The following DISP1 variants were observed in gnomAD, a reference collection of about 807,000 sequenced individuals.
DISP1 encodes the protein protein dispatched homolog 1.
A neutral mutation model predicts 37.3 loss-of-function variants in DISP1; 30 were observed. That is an observed-to-expected ratio of 0.80 (90% CI 0.60 to 1.09). The LOEUF is 1.09. DISP1 is among the 50% of genes least tolerant of loss of function. The pLI is 0.00. For missense variants in DISP1, 1,598 were observed against 1,879.5 expected (o/e 0.85, Z 2.77); for synonymous variants, 634 against 690.2 (o/e 0.92, Z 1.28).
chr1:222,998,126 A>G (rs547482205), intron 8 of DISP1, among the ~76,000 whole-genome samples: 2 of 151,978 alleles, frequency 1.3e-5, no homozygotes, highest in East Asian at 3.9e-4. Flanking sequence ...CGACTTTCAG[A>G]ATATTACTGT....
At chr1:222,818,805 C>T (rs183403797) in intron 1 of DISP1, among the ~76,000 whole-genome samples, 292 of 152,328 alleles carry the variant, frequency 1.9e-3, no homozygotes, top group African/African-American at 6.4e-3. Flanking sequence ...ATGTTTATAG[C>T]AACACCTAAA....
chr1:222,967,037 A>T (rs1044378743), intron 3 of DISP1, among the ~76,000 whole-genome samples: 29 of 152,146 alleles, frequency 1.9e-4, no homozygotes, highest in Admixed American at 1.5e-3. Context: ...CTTACTAGAG[A>T]TTATTAATAA....
intron 3 of DISP1, among the ~76,000 whole-genome samples, chr1:222,976,542 T>A (rs2378617): frequency 0.6 from 90,555 of 151,604 alleles, 28,406 homozygotes; most frequent in East Asian, 0.71. Context: ...GGTTTCTTTG[T>A]GGTAACCTCA....
intron 1 of DISP1, among the ~76,000 whole-genome samples, chr1:222,858,964 A>G (rs954816739): frequency 9.9e-5 from 15 of 152,230 alleles, no homozygotes; most frequent in African/African-American, 3.6e-4. Context: ...CATTTGACCC[A>G]GCAATCCCAT....
chr1:222,995,068 T>G, intron 8 of DISP1, 86 bp downstream of exon 8: 1 of 1,145,606 alleles, frequency 8.7e-7, no homozygotes, highest in South Asian at 1.2e-5. Context: ...TGGTTTCTGA[T>G]CAGATGAAAG....
intron 3 of DISP1, among the ~76,000 whole-genome samples, chr1:222,955,188 G>A (rs1307043933): frequency 1.3e-5 from 2 of 151,730 alleles, no homozygotes; most frequent in Non-Finnish European, 2.9e-5. Flanking sequence ...CTGAGTTCAT[G>A]TGATTCTCCT....
chr1:222,918,081 G>C (rs1185682854), intron 1 of DISP1, among the ~76,000 whole-genome samples: 3 of 152,166 alleles, frequency 2.0e-5, no homozygotes, highest in African/African-American at 7.2e-5. Context: ...CATTCAAAAT[G>C]TCATCAAAAC....
chr1:222,830,538 G>C (rs190750503), intron 1 of DISP1, among the ~76,000 whole-genome samples: 1 of 152,138 alleles, frequency 6.6e-6, no homozygotes, highest in East Asian at 1.9e-4. Flanking sequence ...GTGTCACCAT[G>C]CCCGGCTACT....
chr1:222,963,455 C>T (rs1401923583), intron 3 of DISP1, among the ~76,000 whole-genome samples: 1 of 152,050 alleles, frequency 6.6e-6, no homozygotes, highest in Non-Finnish European at 1.5e-5. Flanking sequence ...TCATTAAAGA[C>T]ACATGCTCAA....
intron 3 of DISP1, among the ~76,000 whole-genome samples, chr1:222,949,449 CTA>C (rs1386543027): frequency 6.6e-6 from 1 of 151,676 alleles, no homozygotes; most frequent in East Asian, 1.9e-4. Context: ...TTTAATATGT[CTA>C]TTTTAATTAT....
intron 2 of DISP1, among the ~76,000 whole-genome samples, chr1:222,937,796 CTT>C (rs10714424): frequency 2.5e-3 from 142 of 56,474 alleles, no homozygotes; most frequent in African/African-American, 0.01. Flanking sequence ...AATAGCTTGC[CTT>C]TTTTTTTTTT....
chr1:222,944,629 C>T (rs1260701703), intron 3 of DISP1, among the ~76,000 whole-genome samples: 1 of 152,140 alleles, frequency 6.6e-6, no homozygotes, highest in Non-Finnish European at 1.5e-5. Context: ...CCTTCATGCC[C>T]TTTCTCAGTT....
Position 222,974,323 on chromosome 1 carries a change from G to A in DISP1, c.510-8757G>A, listed in dbSNP as rs545719602. Among the ~76,000 whole-genome samples, 12 of 152,232 alleles carry A rather than the reference G, an allele frequency of 7.9e-5. No individual in the cohort carries two copies. In the East Asian group the frequency reaches 2.3e-3, roughly 29 times the overall value. Reference sequence around the variant, plus strand: ...TAAAGGAATTGCTCAAGATCATCAAGATCATTCAACTAATAAGTTTCAGGG... The same window carrying A: ...TAAAGGAATTGCTCAAGATCATCAAAATCATTCAACTAATAAGTTTCAGGG... On this transcript the variant is annotated intron_variant, in intron 3 of 8. Coordinates refer to ENST00000675850, the MANE Select transcript of DISP1 (RefSeq NM_001377229.1).
intron 8 of DISP1, among the ~76,000 whole-genome samples, chr1:223,001,109 T>G (rs1679412344): frequency 6.6e-6 from 1 of 152,164 alleles, no homozygotes; most frequent in South Asian, 2.1e-4. Flanking sequence ...TGGTTCAGAC[T>G]TTAATCTAGC....
chr1:222,839,112 C>T (rs929350926), intron 1 of DISP1, among the ~76,000 whole-genome samples: 7 of 152,142 alleles, frequency 4.6e-5, no homozygotes, highest in Non-Finnish European at 8.8e-5. Flanking sequence ...GGGTCCCCAA[C>T]TCCCAGGTTG....
chr1:222,968,300 T>A (rs2102627140), intron 3 of DISP1, among the ~76,000 whole-genome samples: 2 of 152,178 alleles, frequency 1.3e-5, no homozygotes, highest in South Asian at 4.2e-4. Context: ...AGAAAATAGA[T>A]CCCCATTTTC....
At chr1:222,870,131 A>G (rs1414614394) in intron 1 of DISP1, among the ~76,000 whole-genome samples, 1 of 152,192 alleles carries the variant, frequency 6.6e-6, no homozygotes, top group Non-Finnish European at 1.5e-5. Context: ...ACCATTTGTT[A>G]TGACTGCATA....
At chr1:222,859,143 A>G (rs1021668039) in intron 1 of DISP1, among the ~76,000 whole-genome samples, 7 of 152,254 alleles carry the variant, frequency 4.6e-5, no homozygotes, top group Admixed American at 4.6e-4. Context: ...ATGGAATACT[A>G]TGCAGCCATA....
chr1:222,990,762 A>T lies in DISP1; in HGVS notation c.663+14A>T. On this transcript the variant is annotated intron_variant, in intron 5 of 8. Coordinates refer to ENST00000675850, the MANE Select transcript of DISP1 (RefSeq NM_001377229.1). ...GATCCATTGCTGGTAACTAACTTTT[A>T]TGTTTTCTTTAGCCTAAAATCATCT... 1 of 1,613,742 alleles carries T rather than the reference A, an allele frequency of 6.2e-7. No homozygotes were observed. The highest frequency in any genetic ancestry group is 8.5e-7 in the Non-Finnish European group (1 of 1,179,804).
Sources: allele counts gnomAD v4.1 joint callset (sites outside exome capture counted in the v4.1 genomes callset), GRCh38; gene constraint gnomAD v4.1.1; transcripts MANE v1.5; gene names NCBI Gene and HGNC (gene_info 2026-07-23, HGNC 2026-07-21).